The following RETREG1 variants were observed in gnomAD, a reference collection of about 807,000 sequenced individuals.
The protein encoded by RETREG1 is family with sequence similarity 134 member B.
Under a neutral mutation model 54.8 loss-of-function variants are expected in RETREG1, and 44 were observed. The observed-to-expected ratio is 0.80, with a 90% CI of 0.63 to 1.03. The LOEUF (loss-of-function observed/expected upper bound fraction) is 1.03. RETREG1 is among the 50% of genes least tolerant of loss of function. The pLI is 0.00. For missense variants in RETREG1, 554 were observed against 605.1 expected (o/e 0.92, Z 0.89); for synonymous variants, 217 against 238.5 (o/e 0.91, Z 0.83).
At position 16,562,681 on chromosome 5, in the gene RETREG1, A is replaced by C. The variant is rs186719063; in HGVS notation, c.458+3082T>G. ...TTTTCTCCCAAAAACACATACCCCC[A>C]ATCTAATCATGAGAAAAACATCAGA... On this transcript the variant is annotated intron_variant, in intron 3 of 8. Transcript: ENST00000306320. Among the ~76,000 whole-genome samples the C allele has an allele frequency of 7.9e-5, 12 of 152,284 alleles. No homozygotes were observed. In the East Asian group the frequency reaches 2.3e-3, roughly 29 times the overall value.
intron 1 of RETREG1, among the ~76,000 whole-genome samples, chr5:16,595,597 T>G (rs1282576037): frequency 6.6e-6 from 1 of 152,238 alleles, no homozygotes; most frequent in Non-Finnish European, 1.5e-5. Context: ...TGGAAGGAGT[T>G]ACTCTCGTCA....
chr5:16,505,855 C>T (rs1484996617), intron 3 of RETREG1, among the ~76,000 whole-genome samples: 3 of 152,214 alleles, frequency 2.0e-5, no homozygotes, highest in South Asian at 4.1e-4. Context: ...TCTTCTCTGG[C>T]CCCTGAGGCT....
chr5:16,603,199 A>G (rs894093406), intron 1 of RETREG1, among the ~76,000 whole-genome samples: 2 of 152,186 alleles, frequency 1.3e-5, no homozygotes, highest in African/African-American at 4.8e-5. Context: ...TGTGTGTGTG[A>G]GGGAGAGACT....
At chr5:16,606,686 G>T (rs686165) in intron 1 of RETREG1, among the ~76,000 whole-genome samples, 25,977 of 151,912 alleles carry the variant, frequency 0.17, 2,521 homozygotes, top group East Asian at 0.28. Flanking sequence ...CTGTCCTCCT[G>T]ATTTTATCTC....
At chr5:16,515,233 G>T (rs1419759959) in intron 3 of RETREG1, among the ~76,000 whole-genome samples, 2 of 151,926 alleles carry the variant, frequency 1.3e-5, no homozygotes, top group African/African-American at 4.8e-5. Context: ...AGTGTAAAAG[G>T]GTTCCTGGAA....
At chr5:16,480,884 T>C (rs1738740546) in intron 5 of RETREG1, 125 bp downstream of exon 5, 3 of 707,586 alleles carry the variant, frequency 4.2e-6, no homozygotes, top group Non-Finnish European at 7.7e-6. Flanking sequence ...CAGCAGGAGA[T>C]TAAAGAATAA....
Position 16,594,862 on chromosome 5 carries a change from A to C in RETREG1, c.320+21790T>G, listed in dbSNP as rs891410679. ...AGGTGTTGTTTTCAATTTATCCAGAAGGTATTTGGAAGTTAAATTCAGAAG... is the reference window on the plus strand; with the variant it reads ...AGGTGTTGTTTTCAATTTATCCAGACGGTATTTGGAAGTTAAATTCAGAAG... On this transcript the variant is annotated intron_variant, in intron 1 of 8. Coordinates refer to ENST00000306320, the MANE Select transcript of RETREG1 (RefSeq NM_001034850.3). This position sits in a 1 kb window ranked among gnomAD's most constrained non-coding sequence, Gnocchi z 4.4. Among the ~76,000 whole-genome samples, 1 of 152,234 alleles carries C rather than the reference A, an allele frequency of 6.6e-6. No individual in the cohort carries two copies. The highest frequency in any genetic ancestry group is 2.1e-4 in the South Asian group (1 of 4,834).
rs181013457 is a variant in RETREG1, at chr5:16,588,932, G to A, written c.321-16830C>T. 4.9e-3 allele frequency among the ~76,000 whole-genome samples: 744 copies of A among 152,284 alleles called. 5 individuals carry two copies. Among genetic ancestry groups the A allele is most frequent in the African/African-American group, 0.017 (717 of 41,574 alleles). On this transcript the variant is annotated intron_variant, in intron 1 of 8. Coordinates refer to ENST00000306320, the MANE Select transcript of RETREG1 (RefSeq NM_001034850.3). ...TGAATTAGTAATTTTGTCATCCTCT[G>A]GGGGCCACTTATCTGAAGGTCAGGA... is the stretch of plus-strand genomic sequence containing the variant.
intron 3 of RETREG1, among the ~76,000 whole-genome samples, chr5:16,543,945 T>C (rs1741317248): frequency 6.6e-6 from 1 of 152,000 alleles, no homozygotes; most frequent in Non-Finnish European, 1.5e-5. Flanking sequence ...TCTCTTGGAT[T>C]TTTTATGGGT....
intron 1 of RETREG1, among the ~76,000 whole-genome samples, chr5:16,600,915 G>A (rs1270372135): frequency 6.6e-6 from 1 of 151,884 alleles, no homozygotes; most frequent in Non-Finnish European, 1.5e-5. Flanking sequence ...AAATGTCTTG[G>A]AACAAAAAAT....
chr5:16,574,303 G>A (rs1173609524), intron 1 of RETREG1, among the ~76,000 whole-genome samples: 3 of 152,196 alleles, frequency 2.0e-5, no homozygotes, highest in South Asian at 2.1e-4. Flanking sequence ...AGCAGAATGC[G>A]CAGTAAGTCT....
rs769766417 is a variant in RETREG1, at chr5:16,489,039, C to T, written c.459-5567G>A. On this transcript the variant is annotated intron_variant, in intron 3 of 8. Coordinates refer to ENST00000306320, the MANE Select transcript of RETREG1 (RefSeq NM_001034850.3). ...CAGGGGCTGCAATGAGCCGAGATAG[C>T]GCCACTGCACTCCAGCCTGGGCAAC... Among the ~76,000 whole-genome samples the T allele has an allele frequency of 7.5e-5, 9 of 120,768 alleles. No individual in the cohort carries two copies. The East Asian group carries it at 1.7e-3, about 22-fold the overall frequency. The allele number at this position is 120,768 out of a possible 152,430, so 79.2% of individuals were successfully genotyped here.
chr5:16,551,349 A>G (rs1741535946), intron 3 of RETREG1, among the ~76,000 whole-genome samples: 1 of 152,210 alleles, frequency 6.6e-6, no homozygotes, highest in Admixed American at 6.5e-5. Context: ...ACATTTTTAT[A>G]CAATCCAGTG....
At chr5:16,608,615 T>C (rs1184042355) in intron 1 of RETREG1, among the ~76,000 whole-genome samples, 1 of 152,180 alleles carries the variant, frequency 6.6e-6, no homozygotes, top group Non-Finnish European at 1.5e-5. Context: ...AAATCAGCTG[T>C]GTCTCCTAAA....
At chr5:16,584,783 C>A (rs895063378) in intron 1 of RETREG1, among the ~76,000 whole-genome samples, 4 of 152,144 alleles carry the variant, frequency 2.6e-5, no homozygotes, top group African/African-American at 7.2e-5. Context: ...AATAAAGACC[C>A]TCTCAATTGT....
At chr5:16,543,590 C>A (rs1332110072) in intron 3 of RETREG1, among the ~76,000 whole-genome samples, 1 of 151,386 alleles carries the variant, frequency 6.6e-6, no homozygotes. Flanking sequence ...GCAGGAGAAT[C>A]ACTTGAACCC....
chr5:16,506,477 GT>G (rs34135867), intron 3 of RETREG1, among the ~76,000 whole-genome samples: 67 of 144,488 alleles, frequency 4.6e-4, no homozygotes, highest in East Asian at 8.3e-4. Context: ...TTGTTTTTTT[GT>G]TTTTTTTTTT....
At chr5:16,584,059 T>C (rs908248859) in intron 1 of RETREG1, among the ~76,000 whole-genome samples, 1 of 152,194 alleles carries the variant, frequency 6.6e-6, no homozygotes, top group Non-Finnish European at 1.5e-5. Context: ...CCAAACATTG[T>C]ATGTTTTCAC....
intron 3 of RETREG1, among the ~76,000 whole-genome samples, chr5:16,517,299 G>A (rs1404572140): frequency 6.6e-6 from 1 of 152,126 alleles, no homozygotes; most frequent in African/African-American, 2.4e-5. Flanking sequence ...TCTTGAAGCA[G>A]AGGCTAGAAA....
Sources: allele counts gnomAD v4.1 joint callset (sites outside exome capture counted in the v4.1 genomes callset), GRCh38; gene constraint gnomAD v4.1.1; non-coding constraint Gnocchi (gnomAD v3.1); transcripts MANE v1.5; gene names NCBI Gene and HGNC (gene_info 2026-07-23, HGNC 2026-07-21).